Variants in TOPBP1 observed in about 807,000 individuals in gnomAD.
TOPBP1 encodes the protein DNA topoisomerase II binding protein 1.
A neutral mutation model predicts 167.7 loss-of-function variants in TOPBP1; 28 were observed. The ratio of observed to expected loss-of-function variants is 0.17; its 90% CI spans 0.12 to 0.23. The LOEUF is 0.23. Ranked by LOEUF, TOPBP1 falls within the 10% of genes least tolerant of loss-of-function variation. The pLI, the probability that TOPBP1 is intolerant of heterozygous loss-of-function variation, is 1.00. For synonymous variants in TOPBP1, 598 were observed against 611.4 expected, an observed-to-expected ratio of 0.98 and a Z score of 0.32; for missense variants, 1,554 against 1,809.6, an observed-to-expected ratio of 0.86 and a Z score of 2.56.
Position 133,623,207 on chromosome 3 carries a change from A to C in TOPBP1, c.3076-14T>G. On this transcript the variant is annotated splice_polypyrimidine_tract_variant and intron_variant, in intron 18 of 27. Transcript: ENST00000260810. ...CAAAGGATCTGGCTATTGAAAAAGAAAAATTATAAATTCTCAAACCAAGCC... is the reference window on the plus strand; with the variant it reads ...CAAAGGATCTGGCTATTGAAAAAGACAAATTATAAATTCTCAAACCAAGCC... 1 of 1,610,774 alleles carries C rather than the reference A, an allele frequency of 6.2e-7. No homozygotes were observed. Among genetic ancestry groups the C allele is most frequent in the Non-Finnish European group, 8.5e-7 (1 of 1,178,516 alleles).
In TOPBP1 at chr3:133,620,577, T is replaced by C. The variant is rs569650547; in HGVS notation, c.3179-230A>G. ...AATAACTAGGAAGCCCTTCAAATAC[T>C]TTTTTTTTTTTTTTTTTGGTGATAG... On this transcript the variant is annotated intron_variant, in intron 19 of 27. Coordinates refer to ENST00000260810, the MANE Select transcript of TOPBP1 (RefSeq NM_007027.4). Among the ~76,000 whole-genome samples, 371 of 76,522 alleles carry C rather than the reference T, an allele frequency of 4.8e-3. 1 individual carries two copies. The highest frequency in any genetic ancestry group is 0.017 in the African/African-American group (353 of 20,480). The allele number at this position is 76,522 out of a possible 152,430, so 50.2% of individuals were successfully genotyped here. A position where few individuals can be genotyped will look rare whatever the true frequency, so the allele number is the denominator to read the frequency against.
intron 27 of TOPBP1, 62 bp downstream of exon 27, chr3:133,608,473 C>CTT (rs1260351562): frequency 6.4e-7 from 1 of 1,558,850 alleles, no homozygotes; most frequent in Admixed American, 1.8e-5. Context: ...TGTGCAGTTA[C>CTT]TTATCTATGC....
intron 13 of TOPBP1, among the ~76,000 whole-genome samples, chr3:133,639,422 G>A (rs910037181): frequency 2.0e-5 from 3 of 152,058 alleles, no homozygotes; most frequent in Non-Finnish European, 4.4e-5. Flanking sequence ...CACAGGGCAG[G>A]GAACATCACA....
intron 10 of TOPBP1, among the ~76,000 whole-genome samples, chr3:133,645,288 C>T (rs1936036809): frequency 6.6e-6 from 1 of 152,094 alleles, no homozygotes; most frequent in Non-Finnish European, 1.5e-5. Context: ...ACTAAGGAAG[C>T]ATAGTTTTGT....
chr3:133,610,982 C>T, intron 25 of TOPBP1, 22 bp downstream of exon 25: 1 of 1,593,484 alleles, frequency 6.3e-7, no homozygotes, highest in Non-Finnish European at 8.6e-7. Flanking sequence ...TTTGTATTAC[C>T]TATATAATTG....
At chr3:133,648,768 A>T (rs1936173550) in intron 10 of TOPBP1, among the ~76,000 whole-genome samples, 2 of 152,186 alleles carry the variant, frequency 1.3e-5, no homozygotes, top group Non-Finnish European at 2.9e-5. Context: ...ACTACACTCC[A>T]GCCTGCGCAA....
chr3:133,649,498 A>G lies in TOPBP1; in HGVS notation c.1389T>C (p.Ala463=). 6.2e-7 allele frequency: 1 copy of G among 1,613,932 alleles called. No homozygotes were observed. Among genetic ancestry groups the G allele is most frequent in the South Asian group, 1.1e-5 (1 of 91,084 alleles). ...PVSHKPESKA[A]LLKKKNSSFS... is the part of the protein sequence containing the mutation. Reference sequence around the variant, plus strand: ...AGCTGCTGTTCTTCTTTTTTAAAAGAGCTGCTTTACTTTCAGGCTTATGTG... The same window carrying G: ...AGCTGCTGTTCTTCTTTTTTAAAAGGGCTGCTTTACTTTCAGGCTTATGTG... The change falls in exon 10 of 28, where the codon GCT becomes GCC. Residue 463 remains alanine (A), a synonymous_variant. Transcript: ENST00000260810.
Position 133,649,494 on chromosome 3 carries a change from A to G in TOPBP1, c.1393T>C (p.Leu465=), listed in dbSNP as rs747329079. The change falls in exon 10 of 28, where the codon TTA becomes CTA. Residue 465 remains leucine (L), a synonymous_variant. Transcript: ENST00000260810. The stretch of plus-strand genomic sequence containing the variant: ...GAGAAGCTGCTGTTCTTCTTTTTTA[A>G]AAGAGCTGCTTTACTTTCAGGCTTA... ...SHKPESKAAL[L]KKKNSSFSKK... The G allele has an allele frequency of 1.9e-6, 3 of 1,613,940 alleles. No homozygotes were observed. Among genetic ancestry groups the G allele is most frequent in the Non-Finnish European group, 2.5e-6 (3 of 1,179,874 alleles).
intron 14 of TOPBP1, among the ~76,000 whole-genome samples, chr3:133,634,126 A>G (rs1177679404): frequency 6.6e-6 from 1 of 152,260 alleles, no homozygotes; most frequent in African/African-American, 2.4e-5. Flanking sequence ...ATCAAATTTT[A>G]AAACCTACCA....
chr3:133,647,808 T>C (rs1936131888), intron 10 of TOPBP1, among the ~76,000 whole-genome samples: 1 of 152,066 alleles, frequency 6.6e-6, no homozygotes, highest in African/African-American at 2.4e-5. Context: ...TGATTCGTGA[T>C]CTGGAAAAAA....
intron 19 of TOPBP1, among the ~76,000 whole-genome samples, chr3:133,621,211 C>T (rs1935078478): frequency 6.6e-6 from 1 of 152,084 alleles, no homozygotes; most frequent in Non-Finnish European, 1.5e-5. Context: ...CAAGGTCTCA[C>T]TATGTTGCCC....
At chr3:133,631,609 G>A (rs749406046) in intron 14 of TOPBP1, among the ~76,000 whole-genome samples, 6 of 152,114 alleles carry the variant, frequency 3.9e-5, no homozygotes, top group Admixed American at 6.6e-5. Flanking sequence ...TTATGGGGGC[G>A]GATTTCCCCC....
chr3:133,622,682 A>G (rs749047976), intron 19 of TOPBP1, among the ~76,000 whole-genome samples: 2 of 152,178 alleles, frequency 1.3e-5, no homozygotes, highest in African/African-American at 4.8e-5. Context: ...TATTGTACAT[A>G]TAAGAAAACT....
chr3:133,643,942 G>T, intron 11 of TOPBP1, 78 bp downstream of exon 11: 1 of 1,389,778 alleles, frequency 7.2e-7, no homozygotes, highest in Non-Finnish European at 9.8e-7. Flanking sequence ...TAACTGAACT[G>T]TCTAAGAAAT....
rs371701217 is a variant in TOPBP1 at position 133,610,427 on chromosome 3, A to C, written c.4173+577T>G. On this transcript the variant is annotated intron_variant, in intron 25 of 27. Transcript: ENST00000260810. ...GCCTAATAGTTTCTCTTGATAAATC[A>C]ACAGTTAACAAATAATATAAATAAC... Among the ~76,000 whole-genome samples the C allele has an allele frequency of 2.4e-4, 36 of 151,132 alleles. 1 individual carries two copies. The highest frequency in any genetic ancestry group is 6.7e-4 in the African/African-American group (28 of 41,536).
At chr3:133,640,496 C>T (rs548785415) in intron 12 of TOPBP1, among the ~76,000 whole-genome samples, 2 of 152,128 alleles carry the variant, frequency 1.3e-5, no homozygotes, top group African/African-American at 4.8e-5. Context: ...CTGCAACCTC[C>T]GCCTCCCAGG....
intron 27 of TOPBP1, among the ~76,000 whole-genome samples, chr3:133,605,640 G>GA (rs1049738434): frequency 1.1e-4 from 16 of 151,186 alleles, no homozygotes; most frequent in South Asian, 2.1e-4. Flanking sequence ...CCTCAATCTG[G>GA]AAAAAAAAAT....
intron 19 of TOPBP1, among the ~76,000 whole-genome samples, chr3:133,622,031 A>T (rs1407969963): frequency 6.7e-6 from 1 of 150,000 alleles, no homozygotes; most frequent in Non-Finnish European, 1.5e-5. Flanking sequence ...AAAGGAGAGG[A>T]AGGGGGACAG....
rs375049034 is a variant in TOPBP1 at position 133,657,870 on chromosome 3, G to T, written c.291C>A (p.Ala97=). Residue 97 remains alanine, a synonymous_variant, in exon 4 of 28, where the codon GCC becomes GCA. Coordinates refer to ENST00000260810, the MANE Select transcript of TOPBP1 (RefSeq NM_007027.4). ...TAACCATATTATAAACTGGATGTTC[G>T]GCTCTTGGGACACATCGCTGGTGGT... The part of the protein sequence containing the change: ...CMHHQRCVPR[A]EHPVYNMVMS... 2 of 1,600,246 alleles carry T rather than the reference G, an allele frequency of 1.2e-6. No individual in the cohort carries two copies. The highest frequency in any genetic ancestry group is 2.3e-5 in the East Asian group (1 of 43,704).
Sources: allele counts gnomAD v4.1 joint callset (sites outside exome capture counted in the v4.1 genomes callset), GRCh38; gene constraint gnomAD v4.1.1; transcripts MANE v1.5; gene names NCBI Gene and HGNC (gene_info 2026-07-23, HGNC 2026-07-21).